GATAD2A: variants seen among roughly 807,000 people sequenced by gnomAD.
GATAD2A encodes GATA zinc finger domain containing 2A.
GATAD2A carries 12 observed loss-of-function variants against 68.5 expected under a neutral mutation model. The observed-to-expected ratio is 0.18, with a 90% CI of 0.11 to 0.28. The LOEUF (loss-of-function observed/expected upper bound fraction) is 0.28. GATAD2A is among the 10% of genes least tolerant of loss of function. The pLI is 1.00. For synonymous variants in GATAD2A, 410 were observed against 375.3 expected (o/e 1.09, Z -1.07); for missense variants, 755 against 868.5 (o/e 0.87, Z 1.64).
chr19:19,428,501 C>T (rs1415287989), intron 1 of GATAD2A, among the ~76,000 whole-genome samples: 1 of 152,192 alleles, frequency 6.6e-6, no homozygotes, highest in Non-Finnish European at 1.5e-5. Flanking sequence ...AGGTTCCACG[C>T]AGGCAGGCAG....
At chr19:19,452,729 C>A (rs1445789621) in intron 1 of GATAD2A, among the ~76,000 whole-genome samples, 1 of 152,110 alleles carries the variant, frequency 6.6e-6, no homozygotes, top group African/African-American at 2.4e-5. Context: ...ACACGCAGAC[C>A]TTTAGCCACC....
At chr19:19,493,646 T>C (rs1029346441) in intron 4 of GATAD2A, among the ~76,000 whole-genome samples, 4 of 152,286 alleles carry the variant, frequency 2.6e-5, no homozygotes, top group African/African-American at 9.6e-5. Context: ...AGTAAGTGTG[T>C]TCTGGGCAGC....
intron 3 of GATAD2A, 54 bp from the exon 4 acceptor site, chr19:19,492,527 T>G: frequency 6.2e-7 from 1 of 1,611,590 alleles, no homozygotes; most frequent in East Asian, 2.2e-5. Flanking sequence ...TGGCAGGGCC[T>G]CTGCTCCTCA....
intron 2 of GATAD2A, among the ~76,000 whole-genome samples, chr19:19,478,704 G>A (rs1057371816): frequency 6.6e-6 from 1 of 151,886 alleles, no homozygotes; most frequent in African/African-American, 2.4e-5. Context: ...CAGCTATTCG[G>A]GAAGCTAAGG....
upstream of GATAD2A, chr19:19,402,748 G>GTTTTTTTTTT (rs1352505941): frequency 7.3e-6 from 1 of 136,440 alleles, no homozygotes; most frequent in Non-Finnish European, 1.6e-5. Flanking sequence ...ATCACTAAGG[G>GTTTTTTTTTT]TTTTTTTTTT....
chr19:19,425,166 C>T (rs1365580207), intron 1 of GATAD2A, among the ~76,000 whole-genome samples: 1 of 151,940 alleles, frequency 6.6e-6, no homozygotes, highest in African/African-American at 2.4e-5. Context: ...CAGCCACTGA[C>T]CGTAAAGGTA....
At chr19:19,406,953 T>A (rs1224876209) in intron 1 of GATAD2A, among the ~76,000 whole-genome samples, 1 of 152,198 alleles carries the variant, frequency 6.6e-6, no homozygotes, top group East Asian at 1.9e-4. Context: ...TCTTTAGGTG[T>A]ATAGTTCATC....
At chr19:19,399,115 T>C (rs1300063663) in intron 1 of GATAD2A, among the ~76,000 whole-genome samples, 2 of 152,124 alleles carry the variant, frequency 1.3e-5, no homozygotes, top group Admixed American at 6.5e-5. Flanking sequence ...TCTCAGCTAC[T>C]TGGGAGGCTC....
intron 1 of GATAD2A, among the ~76,000 whole-genome samples, chr19:19,434,742 CAT>C (rs1400723092): frequency 2.6e-5 from 4 of 152,168 alleles, no homozygotes; most frequent in Non-Finnish European, 5.9e-5. Context: ...AAGTCCGAGG[CAT>C]TTTCTCTATG....
At chr19:19,474,225 T>C (rs2058515001) in intron 2 of GATAD2A, 133 of 833,956 alleles carry the variant, frequency 1.6e-4, no homozygotes, top group Non-Finnish European at 1.7e-4. Context: ...GAGGGTGAGG[T>C]CGACACTGGA....
intron 1 of GATAD2A, among the ~76,000 whole-genome samples, chr19:19,420,575 C>T (rs188078255): frequency 1.4e-5 from 2 of 143,336 alleles, no homozygotes; most frequent in East Asian, 2.2e-4. Context: ...CTCCTGACCT[C>T]GTGATCCGCC....
rs117119978 is a variant in GATAD2A, at chr19:19,480,191, C to T, written c.270-12115C>T. ...CATAAATTATTTGGGATTCTTCTGC[C>T]TGACAGTTTTATCTTTTCTTCCCCT... On this transcript the variant is annotated intron_variant, in intron 2 of 11. Coordinates refer to ENST00000683918, the MANE Select transcript of GATAD2A (RefSeq NM_001384528.1). 3.9e-4 allele frequency among the ~76,000 whole-genome samples: 59 copies of T among 152,264 alleles called. No individual in the cohort carries two copies. In the East Asian group the frequency reaches 0.011, roughly 27 times the overall value.
At chr19:19,478,996 T>C (rs181684122) in intron 2 of GATAD2A, among the ~76,000 whole-genome samples, 2 of 152,198 alleles carry the variant, frequency 1.3e-5, no homozygotes, top group Admixed American at 1.3e-4. Flanking sequence ...CCTCTTGCGT[T>C]CTTTGTGAGG....
intron 1 of GATAD2A, chr19:19,435,168 T>C (rs200262604): frequency 3.8e-6 from 2 of 529,970 alleles, no homozygotes; most frequent in Non-Finnish European, 7.8e-6. Context: ...GATTCAGAGA[T>C]GCTGTGTGAG....
At chr19:19,449,749 T>C (rs2056169080) in intron 1 of GATAD2A, among the ~76,000 whole-genome samples, 1 of 152,172 alleles carries the variant, frequency 6.6e-6, no homozygotes, top group African/African-American at 2.4e-5. Flanking sequence ...TAAGCTGTAG[T>C]CATGCCACTG....
chr19:19,481,792 A>G (rs1397135621), intron 2 of GATAD2A, among the ~76,000 whole-genome samples: 1 of 152,222 alleles, frequency 6.6e-6, no homozygotes, highest in Admixed American at 6.5e-5. Flanking sequence ...TCAGCCATAA[A>G]TAAAGGTTCA....
intron 1 of GATAD2A, among the ~76,000 whole-genome samples, chr19:19,454,756 T>C (rs1470844950): frequency 7.5e-6 from 1 of 133,146 alleles, no homozygotes. Context: ...AGGTTTCTGT[T>C]TTTGAAACCT....
At chr19:19,402,784 T>G (rs1265179881), upstream of GATAD2A, among the ~76,000 whole-genome samples, 5 of 150,292 alleles carry the variant, frequency 3.3e-5, no homozygotes, top group African/African-American at 1.2e-4. Context: ...TGATTTTTTT[T>G]TTTTTTTGAG....
chr19:19,451,050 G>A (rs1342942459), intron 1 of GATAD2A, among the ~76,000 whole-genome samples: 3 of 151,892 alleles, frequency 2.0e-5, no homozygotes, highest in African/African-American at 4.8e-5. Flanking sequence ...TATTATAGGC[G>A]TGAGCCACCG....
Sources: gnomAD v4.1 joint callset for allele counts (sites outside exome capture counted in the v4.1 genomes callset) on GRCh38, gnomAD v4.1.1 for gene constraint, MANE v1.5 for transcripts, NCBI Gene and HGNC (gene_info 2026-07-23, HGNC 2026-07-21) for gene names.